Variants in FBXO42 observed in about 807,000 individuals in gnomAD.
The protein encoded by FBXO42 is F-box protein 42, also known as F-box only protein 42.
A neutral mutation model predicts 71.7 loss-of-function variants in FBXO42; 12 were observed. The ratio of observed to expected loss-of-function variants is 0.17; its 90% CI spans 0.11 to 0.27. The LOEUF is 0.27. Ranked by LOEUF, FBXO42 falls within the 10% of genes least tolerant of loss-of-function variation. The pLI, the probability that FBXO42 is intolerant of heterozygous loss-of-function variation, is 1.00. For missense variants in FBXO42, 707 were observed against 911.9 expected, an observed-to-expected ratio of 0.78 and a Z score of 2.89; for synonymous variants, 325 against 327.5, an observed-to-expected ratio of 0.99 and a Z score of 0.08.
chr1:16,339,735 A>G (rs2082584956), intron 1 of FBXO42, among the ~76,000 whole-genome samples: 1 of 152,206 alleles, frequency 6.6e-6, no homozygotes, highest in Non-Finnish European at 1.5e-5. Flanking sequence ...TCTTATCCCC[A>G]GGAAACCTAA....
chr1:16,276,822 G>T (rs2081909310), intron 4 of FBXO42, among the ~76,000 whole-genome samples: 1 of 152,206 alleles, frequency 6.6e-6, no homozygotes, highest in African/African-American at 2.4e-5. Context: ...CTGTCCAGAT[G>T]GTAGGCAGAC....
At chr1:16,324,074 T>C (rs1343198995) in intron 1 of FBXO42, among the ~76,000 whole-genome samples, 1 of 152,128 alleles carries the variant, frequency 6.6e-6, no homozygotes, top group African/African-American at 2.4e-5. Flanking sequence ...AGTGATTCAA[T>C]CTAAGACAAT....
At chr1:16,322,286 T>G (rs2082415149) in intron 1 of FBXO42, among the ~76,000 whole-genome samples, 1 of 151,980 alleles carries the variant, frequency 6.6e-6, no homozygotes, top group Non-Finnish European at 1.5e-5. Context: ...TCCGAAAAAC[T>G]ACTATACTAG....
At chr1:16,346,895 C>T (rs951575929) in intron 1 of FBXO42, among the ~76,000 whole-genome samples, 2 of 150,870 alleles carry the variant, frequency 1.3e-5, no homozygotes, top group African/African-American at 2.4e-5. Flanking sequence ...ACTGGGATTA[C>T]AGGCACACAC....
chr1:16,327,018 C>T (rs573025546), intron 1 of FBXO42, among the ~76,000 whole-genome samples: 2 of 152,290 alleles, frequency 1.3e-5, no homozygotes, highest in South Asian at 4.1e-4. Context: ...CTCTATGACC[C>T]ACTTCTAAAT....
At chr1:16,272,812 C>G (rs576662597) in intron 4 of FBXO42, among the ~76,000 whole-genome samples, 1 of 152,114 alleles carries the variant, frequency 6.6e-6, no homozygotes, top group African/African-American at 2.4e-5. Flanking sequence ...AGCCTTTACA[C>G]GAACAATGGC....
intron 4 of FBXO42, among the ~76,000 whole-genome samples, chr1:16,261,406 A>G (rs751309965): frequency 1.3e-5 from 2 of 152,218 alleles, no homozygotes; most frequent in Admixed American, 6.5e-5. Context: ...TAGAAAGGCA[A>G]AATCTTTCCC....
chr1:16,284,841 G>C (rs2082005006), intron 4 of FBXO42, among the ~76,000 whole-genome samples: 2 of 152,146 alleles, frequency 1.3e-5, no homozygotes, highest in African/African-American at 2.4e-5. Context: ...GGTGGTACAT[G>C]CCTGTAATCC....
intron 4 of FBXO42, among the ~76,000 whole-genome samples, chr1:16,263,349 G>A (rs1401837837): frequency 6.6e-6 from 1 of 152,086 alleles, no homozygotes; most frequent in Non-Finnish European, 1.5e-5. Flanking sequence ...TCAGGAGGCT[G>A]AGGCAGGAGA....
chr1:16,276,063 A>G (rs1434301556), intron 4 of FBXO42, among the ~76,000 whole-genome samples: 7 of 152,136 alleles, frequency 4.6e-5, no homozygotes, highest in African/African-American at 1.4e-4. Context: ...ACCTAGGAAC[A>G]GCACATCTCC....
At chr1:16,289,701 C>T (rs1409283538) in intron 4 of FBXO42, among the ~76,000 whole-genome samples, 4 of 152,110 alleles carry the variant, frequency 2.6e-5, no homozygotes, top group African/African-American at 9.7e-5. Context: ...AACAAACAAA[C>T]AAAAAGTCTC....
intron 3 of FBXO42, among the ~76,000 whole-genome samples, chr1:16,300,398 C>T (rs139013193): frequency 1.7e-3 from 260 of 152,344 alleles, no homozygotes; most frequent in Non-Finnish European, 3.0e-3. Flanking sequence ...CTGAATACTT[C>T]TCCACTATTC....
At position 16,315,367 on chromosome 1, in the gene FBXO42, C is replaced by T; in HGVS notation, c.52G>A (p.Glu18Lys). The T allele has an allele frequency of 6.2e-7, 1 of 1,614,202 alleles. No homozygotes were observed. Residue 18 changes from glutamate (E) to lysine (K), a missense_variant, in exon 2 of 10, where the codon GAA becomes AAA. Physicochemically the swap from Glu to Lys is moderately conservative, Grantham distance 56. This residue lies in a region of FBXO42 where 188 missense variants were observed against 230.5 expected (regional missense o/e 0.82). Coordinates refer to ENST00000375592, the MANE Select transcript of FBXO42 (RefSeq NM_018994.3). ...ATTGTCCCTTCCAGCACAGTTTCTT[C>T]CTGGTCCACAGCCATGAAACTGTCA... ...EDDSFMAVDQ[E>K]ETVLEGTMDQ... is the part of the protein sequence containing the mutation.
At position 16,251,223 on chromosome 1, in the gene FBXO42, G is replaced by A; in HGVS notation, c.1601C>T (p.Thr534Ile). Residue 534 changes from threonine to isoleucine, a missense_variant, in exon 10 of 10, where the codon ACA becomes ATA. Thr to Ile is a moderately conservative substitution (Grantham distance 89). This residue lies in a region of FBXO42 where 482 missense variants were observed against 587.1 expected (regional missense o/e 0.82). Transcript: ENST00000375592. The surrounding 1 kb of genome is among the most constrained non-coding windows in gnomAD (Gnocchi z 4.5). Reference protein sequence around the residue: ...GGSMRHPPEQTNGVHTPPHVA... With the variant: ...GGSMRHPPEQINGVHTPPHVA... The stretch of plus-strand genomic sequence containing the variant: ...GTGAGGTGGGGTATGCACACCATTT[G>A]TCTGTTCAGGAGGGTGTCTCATACT... 1.2e-6 allele frequency: 2 copies of A among 1,614,194 alleles called. No homozygotes were observed. The highest frequency in any genetic ancestry group is 2.2e-5 in the East Asian group (1 of 44,870).
At chr1:16,313,175 CA>C (rs67873210) in intron 2 of FBXO42, among the ~76,000 whole-genome samples, 41,391 of 151,400 alleles carry the variant, frequency 0.27, 6,538 homozygotes, top group Non-Finnish European at 0.37. Flanking sequence ...AAATTAAAAA[CA>C]AACAAACAAA....
intron 4 of FBXO42, among the ~76,000 whole-genome samples, chr1:16,283,984 T>C (rs1278253575): frequency 6.6e-6 from 1 of 152,178 alleles, no homozygotes; most frequent in Non-Finnish European, 1.5e-5. Flanking sequence ...ATTAAACAGA[T>C]GCCAAAATCA....
chr1:16,299,312 A>G (rs369910695), intron 3 of FBXO42, among the ~76,000 whole-genome samples: 174 of 152,114 alleles, frequency 1.1e-3, no homozygotes, highest in African/African-American at 4.1e-3. Flanking sequence ...CACCCAGCCC[A>G]CATTTTTCTT....
intron 1 of FBXO42, among the ~76,000 whole-genome samples, chr1:16,318,886 C>T (rs1023445989): frequency 1.3e-5 from 2 of 152,154 alleles, no homozygotes; most frequent in African/African-American, 4.8e-5. Context: ...ATCACTGCTT[C>T]GCTCAACCAC....
intron 1 of FBXO42, among the ~76,000 whole-genome samples, chr1:16,336,256 G>A (rs1396191669): frequency 2.6e-5 from 4 of 151,732 alleles, no homozygotes; most frequent in Non-Finnish European, 5.9e-5. Flanking sequence ...CTTTTTGTGT[G>A]CCTCTCCTCA....
Sources: gnomAD v4.1 joint callset for allele counts (sites outside exome capture counted in the v4.1 genomes callset) on GRCh38, gnomAD v4.1.1 for gene constraint, gnomAD v4.1.1 regional missense constraint, Gnocchi (gnomAD v3.1) non-coding constraint, MANE v1.5 for transcripts, NCBI Gene and HGNC (gene_info 2026-07-23, HGNC 2026-07-21) for gene names.